ST6GAL1: variants seen among roughly 807,000 people sequenced by gnomAD.
ST6GAL1 encodes the protein beta-galactoside alpha-2,6-sialyltransferase 1.
ST6GAL1 carries 20 observed loss-of-function variants against 38.0 expected under a neutral mutation model. The ratio of observed to expected loss-of-function variants is 0.53; its 90% confidence interval spans 0.37 to 0.77. The LOEUF is 0.77. ST6GAL1 is among the 30% of genes least tolerant of loss of function. The pLI, the probability that ST6GAL1 is intolerant of heterozygous loss-of-function variation, is 0.00. For synonymous variants in ST6GAL1, 196 were observed against 188.2 expected (o/e 1.04, Z -0.34); for missense variants, 432 against 496.4 (o/e 0.87, Z 1.23).
intron 2 of ST6GAL1, among the ~76,000 whole-genome samples, chr3:186,970,043 ATCCT>A (rs1448847854): frequency 1.3e-5 from 2 of 152,122 alleles, no homozygotes; most frequent in African/African-American, 4.8e-5. Flanking sequence ...CTCCTGATGC[ATCCT>A]TCCTTTAGTT....
At chr3:186,939,883 C>T (rs1288832270) in intron 1 of ST6GAL1, among the ~76,000 whole-genome samples, 1 of 152,200 alleles carries the variant, frequency 6.6e-6, no homozygotes, top group East Asian at 1.9e-4. Flanking sequence ...GAGAAGGTCC[C>T]AGTCCTTGGT....
chr3:187,010,299 G>T (rs1406277168), intron 2 of ST6GAL1, among the ~76,000 whole-genome samples: 1 of 152,160 alleles, frequency 6.6e-6, no homozygotes, highest in East Asian at 1.9e-4. Context: ...AAGTGACCTT[G>T]TCAGCTCTAT....
Position 187,077,056 on chromosome 3 carries a change from G to A in ST6GAL1, c.*1253G>A. 1 of 398,500 alleles carries A rather than the reference G, an allele frequency of 2.5e-6. No homozygotes were observed. The highest frequency in any genetic ancestry group is 4.4e-6 in the Non-Finnish European group (1 of 226,018). 24.7% of individuals were successfully genotyped at this position (398,500 alleles called of 1,614,324 possible). ...TGAGCTCACGGGCCTTTTGCTGAAG[G>A]TCTCTCAGGGTGTAGTGGTGTGGCT... On this transcript the variant is annotated 3_prime_UTR_variant, in exon 8 of 8. Coordinates refer to ENST00000169298, the MANE Select transcript of ST6GAL1 (RefSeq NM_173216.2).
intron 1 of ST6GAL1, among the ~76,000 whole-genome samples, chr3:186,962,107 G>A (rs1372347021): frequency 6.6e-6 from 1 of 152,196 alleles, no homozygotes; most frequent in Non-Finnish European, 1.5e-5. Flanking sequence ...CTCACCAGAT[G>A]CCTTTGTTGT....
At chr3:187,026,274 G>A (rs1027149450) in intron 2 of ST6GAL1, among the ~76,000 whole-genome samples, 4 of 152,264 alleles carry the variant, frequency 2.6e-5, no homozygotes, top group Admixed American at 2.0e-4. Context: ...GATAGAGCTC[G>A]GTGGGTAGGA....
chr3:187,024,474 GTATATA>G (rs68068581), intron 2 of ST6GAL1, among the ~76,000 whole-genome samples: 5,753 of 135,190 alleles, frequency 0.043, 166 homozygotes, highest in Admixed American at 0.1. Context: ...ATATATATGT[GTATATA>G]TATATATATA....
At chr3:187,022,857 A>T (rs1717379155) in intron 2 of ST6GAL1, among the ~76,000 whole-genome samples, 1 of 151,908 alleles carries the variant, frequency 6.6e-6, no homozygotes, top group African/African-American at 2.4e-5. Flanking sequence ...TGGGTTAATT[A>T]AAAAACCCAT....
chr3:186,983,978 G>T (rs185369235), intron 2 of ST6GAL1, among the ~76,000 whole-genome samples: 1 of 152,136 alleles, frequency 6.6e-6, no homozygotes, highest in African/African-American at 2.4e-5. Context: ...CCTACTTTAC[G>T]CTCTGTTTGA....
chr3:187,058,887 C>A (rs1050703425), intron 5 of ST6GAL1, among the ~76,000 whole-genome samples: 4 of 152,116 alleles, frequency 2.6e-5, no homozygotes, highest in Non-Finnish European at 5.9e-5. Flanking sequence ...AGTAACCACC[C>A]ACCTTGGCCT....
chr3:186,945,631 T>C (rs1424653701), intron 1 of ST6GAL1, among the ~76,000 whole-genome samples: 1 of 152,076 alleles, frequency 6.6e-6, no homozygotes, highest in African/African-American at 2.4e-5. Flanking sequence ...AGAAAGAATA[T>C]ACCAGAAATA....
chr3:187,063,910 GT>G (rs895316202), intron 5 of ST6GAL1, among the ~76,000 whole-genome samples: 9 of 151,302 alleles, frequency 5.9e-5, no homozygotes, highest in African/African-American at 1.2e-4. Flanking sequence ...ACTATCCAGG[GT>G]TTTTTTTTAG....
chr3:187,022,977 T>G (rs1717383726), intron 2 of ST6GAL1, among the ~76,000 whole-genome samples: 1 of 152,180 alleles, frequency 6.6e-6, no homozygotes, highest in Non-Finnish European at 1.5e-5. Flanking sequence ...GTTTGGTCAG[T>G]CTTATAATCT....
In ST6GAL1 at chr3:187,074,271, A is replaced by G. The variant is rs2108606196; in HGVS notation, c.917A>G (p.Asp306Gly). 3.1e-6 allele frequency: 5 copies of G among 1,611,446 alleles called. No individual in the cohort carries two copies. Among genetic ancestry groups the G allele is most frequent in the Non-Finnish European group, 4.2e-6 (5 of 1,178,896 alleles). Residue 306 changes from aspartate (D) to glycine (G), a missense_variant, in exon 7 of 8, where the codon GAC becomes GGC. Physicochemically the swap from Asp to Gly is moderately conservative, Grantham distance 94. Coordinates refer to ENST00000169298, the MANE Select transcript of ST6GAL1 (RefSeq NM_173216.2). ...CCCCAGATGCCTTGGGAGCTATGGG[A>G]CATTCTTCAAGAAATCTCCCCAGAA... Reference protein sequence around the residue: ...LKPQMPWELWDILQEISPEEI... With the variant: ...LKPQMPWELWGILQEISPEEI...
At chr3:187,023,261 C>CT (rs142902961) in intron 2 of ST6GAL1, among the ~76,000 whole-genome samples, 378 of 152,328 alleles carry the variant, frequency 2.5e-3, no homozygotes, top group Non-Finnish European at 3.8e-3. Flanking sequence ...CCACTCCAAG[C>CT]TGTCCCTATT....
intron 2 of ST6GAL1, among the ~76,000 whole-genome samples, chr3:186,970,293 C>T (rs1715305260): frequency 6.6e-6 from 1 of 150,496 alleles, no homozygotes; most frequent in Non-Finnish European, 1.5e-5. Flanking sequence ...CAGCTCACTG[C>T]AACCACCGCC....
chr3:187,073,044 T>G, intron 6 of ST6GAL1, 97 bp downstream of exon 6: 1 of 951,954 alleles, frequency 1.1e-6, no homozygotes, highest in Non-Finnish European at 1.7e-6. Flanking sequence ...TGACATTGGC[T>G]ATTCCTAAAG....
At chr3:187,003,192 C>T (rs1716677507) in intron 2 of ST6GAL1, among the ~76,000 whole-genome samples, 1 of 148,984 alleles carries the variant, frequency 6.7e-6, no homozygotes, top group Non-Finnish European at 1.5e-5. Context: ...ACCAAAACAA[C>T]AACAGCAAAA....
chr3:186,935,955 T>C (rs1713937016), intron 1 of ST6GAL1, among the ~76,000 whole-genome samples: 1 of 151,548 alleles, frequency 6.6e-6, no homozygotes, highest in South Asian at 2.1e-4. Context: ...TCATTCTATT[T>C]ATGTATTCTG....
At chr3:186,994,863 C>A (rs1366176883) in intron 2 of ST6GAL1, among the ~76,000 whole-genome samples, 1 of 151,818 alleles carries the variant, frequency 6.6e-6, no homozygotes, top group Non-Finnish European at 1.5e-5. Flanking sequence ...ATCGCTTGAA[C>A]CCAGGAGGCG....
Sources: gnomAD v4.1 joint callset for allele counts (sites outside exome capture counted in the v4.1 genomes callset) on GRCh38, gnomAD v4.1.1 for gene constraint, MANE v1.5 for transcripts, NCBI Gene and HGNC (gene_info 2026-07-23, HGNC 2026-07-21) for gene names.